Variants in SLC10A5 observed in about 807,000 individuals in gnomAD.
The protein encoded by SLC10A5 is solute carrier family 10 member 5, also known as sodium/bile acid cotransporter 5.
For missense variants in SLC10A5, 475 were observed against 500.7 expected (o/e 0.95, Z 0.49); for synonymous variants, 181 against 183.7 (o/e 0.99, Z 0.12).
In SLC10A5 at chr8:81,694,813, G is replaced by A. The variant is rs140801655; in HGVS notation, c.160C>T (p.Arg54Trp). ...ACAAAGAGGTGGCTGGAATTAGGCCGTTTATTTTCGTAGCTTGAACTTACA... is the reference window on the plus strand; with the variant it reads ...ACAAAGAGGTGGCTGGAATTAGGCCATTTATTTTCGTAGCTTGAACTTACA... ...ILVSSSYENK[R>W]PNSSHLFVKI... is the part of the protein sequence containing the mutation. Residue 54 changes from arginine (R) to tryptophan (W), a missense_variant, in exon 1 of 1, where the codon CGG becomes TGG. Transcript: ENST00000518568. 39 of 1,613,848 alleles carry A rather than the reference G, an allele frequency of 2.4e-5. 1 individual carries two copies. In the South Asian group the frequency reaches 2.4e-4, roughly 10 times the overall value.
rs754283238 is a variant in SLC10A5, at chr8:81,694,374, G to A, written c.599C>T (p.Ala200Val). The change falls in exon 1 of 1, where the codon GCA becomes GTA. Residue 200 changes from alanine to valine, a missense_variant. Transcript: ENST00000518568. The part of the protein sequence containing the change: ...FCGFLLSQIV[A>V]LPEAQAFGVV... ...TCCAAAAGCTTGCGCCTCAGGCAAT[G>A]CCACAATCTGAGACAAAAGAAACCC... 2 of 1,613,762 alleles carry A rather than the reference G, an allele frequency of 1.2e-6. No homozygotes were observed. The highest frequency in any genetic ancestry group is 1.1e-5 in the South Asian group (1 of 91,070).
rs201497883 is a variant in SLC10A5, at chr8:81,694,027, C to G, written c.946G>C (p.Val316Leu). The G allele has an allele frequency of 6.2e-7, 1 of 1,613,724 alleles. No individual in the cohort carries two copies. The highest frequency in any genetic ancestry group is 8.5e-7 in the Non-Finnish European group (1 of 1,179,990). The change falls in exon 1 of 1, where the codon GTA (valine) becomes CTA (leucine). Residue 316 changes from valine to leucine, a missense_variant. Coordinates refer to ENST00000518568, the MANE Select transcript of SLC10A5 (RefSeq NM_001010893.3). ...IRPLSFILMF[V>L]GIYLTFTVGL... ...ACTGTGAAAGTCAAATAAATTCCTACGAACATTAAAATAAAACTCAGAGGT... is the reference window on the plus strand; with the variant it reads ...ACTGTGAAAGTCAAATAAATTCCTAGGAACATTAAAATAAAACTCAGAGGT...
Position 81,694,441 on chromosome 8 carries a change from T to C in SLC10A5, c.532A>G (p.Ile178Val). The part of the protein sequence containing the change: ...QTVWKRPLPV[I>V]LGAVTQFFLM... ...AAAAACTGTGTAACTGCCCCAAGAA[T>C]TACTGGCAAAGGTCTCTTCCATACT... The change falls in exon 1 of 1, where the codon ATT becomes GTT. Residue 178 changes from isoleucine to valine, a missense_variant. Physicochemically the swap from Ile to Val is conservative, Grantham distance 29. Transcript: ENST00000518568. 1 of 1,614,078 alleles carries C rather than the reference T, an allele frequency of 6.2e-7. No individual in the cohort carries two copies. The highest frequency in any genetic ancestry group is 8.5e-7 in the Non-Finnish European group (1 of 1,180,032).
In SLC10A5 at chr8:81,694,399, C is replaced by T. The variant is rs780168423; in HGVS notation, c.574G>A (p.Gly192Arg). The T allele has an allele frequency of 1.6e-5, 26 of 1,613,932 alleles. 1 individual carries two copies. The highest frequency in any genetic ancestry group is 3.3e-4 in the Middle Eastern group (2 of 6,078). ...GCCACAATCTGAGACAAAAGAAACC[C>T]GCAAAATGGCATCAGAAAAAACTGT... is the stretch of plus-strand genomic sequence containing the variant. Reference protein sequence around the residue: ...VTQFFLMPFCGFLLSQIVALP... With the variant: ...VTQFFLMPFCRFLLSQIVALP... The change falls in exon 1 of 1, where the codon GGG becomes AGG. Residue 192 changes from glycine to arginine, a missense_variant. By Grantham distance (125) the Gly-to-Arg change is moderately radical (BLOSUM62 -2). Transcript: ENST00000518568.
In SLC10A5 at chr8:81,694,193, T is replaced by A. The variant is rs781594672; in HGVS notation, c.780A>T (p.Ile260=). 3.1e-6 allele frequency: 5 copies of A among 1,614,040 alleles called. No individual in the cohort carries two copies. Among genetic ancestry groups the A allele is most frequent in the Non-Finnish European group, 4.2e-6 (5 of 1,180,038 alleles). Residue 260 remains isoleucine (I), a synonymous_variant, in exon 1 of 1, where the codon ATA becomes ATT. Coordinates refer to ENST00000518568, the MANE Select transcript of SLC10A5 (RefSeq NM_001010893.3). The stretch of plus-strand genomic sequence containing the variant: ...TATGGAATGTACCTGACAACCCTAA[T>A]ATCCTACTGTATATATAAGAATTGA... The part of the protein sequence containing the change: ...MPVNSYIYSR[I]LGLSGTFHIP...
In SLC10A5 at chr8:81,693,751, C is replaced by T; in HGVS notation, c.1222G>A (p.Gly408Arg). ...AGAATGATCAGTAACATTTCACATCCAGAACACATGGCTACTGTAAAAGGA... is the reference window on the plus strand; with the variant it reads ...AGAATGATCAGTAACATTTCACATCTAGAACACATGGCTACTGTAAAAGGA... The part of the protein sequence containing the change: ...VAPFTVAMCS[G>R]CEMLLIILVY... Residue 408 changes from glycine (G) to arginine (R), a missense_variant, in exon 1 of 1, where the codon GGA (glycine) becomes AGA (arginine). Physicochemically the swap from Gly to Arg is moderately radical, Grantham distance 125. Coordinates refer to ENST00000518568, the MANE Select transcript of SLC10A5 (RefSeq NM_001010893.3). The T allele has an allele frequency of 2.5e-6, 4 of 1,614,038 alleles. No homozygotes were observed. The highest frequency in any genetic ancestry group is 2.2e-5 in the South Asian group (2 of 91,064).
rs766528702 is a variant in SLC10A5, at chr8:81,694,534, T to C, written c.439A>G (p.Ile147Val). 1 of 1,614,066 alleles carries C rather than the reference T, an allele frequency of 6.2e-7. No homozygotes were observed. The highest frequency in any genetic ancestry group is 1.3e-5 in the African/African-American group (1 of 74,936). ...TTATTCAATAGTATTAGTGGTAAAA[T>C]AAGCATTAGGATATTTCTATCAATA... ...MHIDRNILML[I>V]LPLILLNKCA... The change falls in exon 1 of 1, where the codon ATT becomes GTT. Residue 147 changes from isoleucine (I) to valine (V), a missense_variant. Transcript: ENST00000518568.
rs866220085 is a variant in SLC10A5, at chr8:81,694,835, T to TA, written c.137dup (p.Ser47LysfsTer7). 6.2e-7 allele frequency: 1 copy of TA among 1,614,026 alleles called. No individual in the cohort carries two copies. Among genetic ancestry groups the TA allele is most frequent in the Non-Finnish European group, 8.5e-7 (1 of 1,179,982 alleles). On this transcript the variant is annotated frameshift_variant, in exon 1 of 1. Coordinates refer to ENST00000518568, the MANE Select transcript of SLC10A5 (RefSeq NM_001010893.3). LOFTEE classifies it low-confidence loss of function (END_TRUNC). ...GCCGTTTATTTTCGTAGCTTGAACT[T>TA]ACAAGGATGGTTTCTTCAGTCTTTG...
chr8:81,694,831 A>G lies in SLC10A5; in HGVS notation c.142T>C (p.Ser48Pro), dbSNP rs753533963. Residue 48 changes from serine (S) to proline (P), a missense_variant, in exon 1 of 1, where the codon TCA (serine) becomes CCA (proline). Coordinates refer to ENST00000518568, the MANE Select transcript of SLC10A5 (RefSeq NM_001010893.3). ...TKTEETILVS[S>P]SYENKRPNSS... is the part of the protein sequence containing the mutation. ...TTAGGCCGTTTATTTTCGTAGCTTGAACTTACAAGGATGGTTTCTTCAGTC... is the reference window on the plus strand; with the variant it reads ...TTAGGCCGTTTATTTTCGTAGCTTGGACTTACAAGGATGGTTTCTTCAGTC... 1 of 1,614,036 alleles carries G rather than the reference A, an allele frequency of 6.2e-7. No homozygotes were observed. Among genetic ancestry groups the G allele is most frequent in the Admixed American group, 1.7e-5 (1 of 60,016 alleles).
At position 81,694,532 on chromosome 8, in the gene SLC10A5, A is replaced by G; in HGVS notation, c.441T>C (p.Ile147=). ...MHIDRNILML[I]LPLILLNKCA... ...ACTTATTCAATAGTATTAGTGGTAA[A>G]ATAAGCATTAGGATATTTCTATCAA... The change falls in exon 1 of 1, where the codon ATT becomes ATC. Residue 147 remains isoleucine, a synonymous_variant. Transcript: ENST00000518568. 6.2e-7 allele frequency: 1 copy of G among 1,614,240 alleles called. No individual in the cohort carries two copies. Among genetic ancestry groups the G allele is most frequent in the Non-Finnish European group, 8.5e-7 (1 of 1,180,044 alleles).
Position 81,693,702 on chromosome 8 carries a change from C to G in SLC10A5, c.1271G>C (p.Cys424Ser), listed in dbSNP as rs376116035. Residue 424 changes from cysteine (C) to serine (S), a missense_variant, in exon 1 of 1, where the codon TGT (cysteine) becomes TCT (serine). By Grantham distance (112) the Cys-to-Ser change is moderately radical. Transcript: ENST00000518568. ...CCTTTTATCTTGTAAGAAAAAGATACATCTTTTCTTAGCCTTGTAAACTAG... is the reference window on the plus strand; with the variant it reads ...CCTTTTATCTTGTAAGAAAAAGATAGATCTTTTCTTAGCCTTGTAAACTAG... ...IILVYKAKKR[C>S]IFFLQDKRKR... is the part of the protein sequence containing the mutation. 7 of 1,594,920 alleles carry G rather than the reference C, an allele frequency of 4.4e-6. No individual in the cohort carries two copies. In the African/African-American group the frequency reaches 9.5e-5, roughly 22 times the overall value.
Position 81,694,421 on chromosome 8 carries a change from CTG to C in SLC10A5, c.550_551del (p.Gln184ValfsTer19), listed in dbSNP as rs758209721. On this transcript the variant is annotated frameshift_variant, in exon 1 of 1. Transcript: ENST00000518568. LOFTEE classifies it low-confidence loss of function (END_TRUNC). ...PLPVILGAVTQFFLMPFCGFL... is the reference protein window; with the variant it reads ...PLPVILGAVTXFFLMPFCGFL... ...ACCCGCAAAATGGCATCAGAAAAAA[CTG>C]TGTAACTGCCCCAAGAATTACTGGC... is the stretch of plus-strand genomic sequence containing the variant. 2 of 1,613,984 alleles carry C rather than the reference CTG, an allele frequency of 1.2e-6. No individual in the cohort carries two copies. Among genetic ancestry groups the C allele is most frequent in the Non-Finnish European group, 1.7e-6 (2 of 1,180,022 alleles).
rs1306214004 is a variant in SLC10A5, at chr8:81,694,081, T to G, written c.892A>C (p.Lys298Gln). ...GIVIKHRIPE[K>Q]ASFLERIIRP... ...ATTATTCTCTCTAAGAAGCTTGCTT[T>G]TTCAGGTATTCTATGCTTGATGACT... The change falls in exon 1 of 1, where the codon AAA (lysine) becomes CAA (glutamine). Residue 298 changes from lysine to glutamine, a missense_variant. Transcript: ENST00000518568. 1 of 1,614,132 alleles carries G rather than the reference T, an allele frequency of 6.2e-7. No individual in the cohort carries two copies. The highest frequency in any genetic ancestry group is 1.6e-4 in the Middle Eastern group (1 of 6,062).
At position 81,694,419 on chromosome 8, in the gene SLC10A5, A is replaced by C; in HGVS notation, c.554T>G (p.Phe185Cys). The change falls in exon 1 of 1, where the codon TTT becomes TGT. Residue 185 changes from phenylalanine (F) to cysteine (C), a missense_variant. By Grantham distance (205) the Phe-to-Cys change is radical. Coordinates refer to ENST00000518568, the MANE Select transcript of SLC10A5 (RefSeq NM_001010893.3). ...AAACCCGCAAAATGGCATCAGAAAA[A>C]ACTGTGTAACTGCCCCAAGAATTAC... ...LPVILGAVTQ[F>C]FLMPFCGFLL... 2.5e-6 allele frequency: 4 copies of C among 1,614,152 alleles called. No homozygotes were observed. Among genetic ancestry groups the C allele is most frequent in the Non-Finnish European group, 3.4e-6 (4 of 1,180,038 alleles).
chr8:81,694,231 T>C lies in SLC10A5; in HGVS notation c.742A>G (p.Ile248Val), dbSNP rs771975719. 6.2e-7 allele frequency: 1 copy of C among 1,614,018 alleles called. No individual in the cohort carries two copies. Among genetic ancestry groups the C allele is most frequent in the African/African-American group, 1.3e-5 (1 of 74,894 alleles). ...MTCTSTLLAL[I>V]MMPVNSYIYS... ...ATATAAGAATTGACAGGCATCATGA[T>C]CAGAGCCAATAATGTTGATGTGCAA... The change falls in exon 1 of 1, where the codon ATC becomes GTC. Residue 248 changes from isoleucine (I) to valine (V), a missense_variant. Physicochemically the swap from Ile to Val is conservative, Grantham distance 29 (BLOSUM62 3). Coordinates refer to ENST00000518568, the MANE Select transcript of SLC10A5 (RefSeq NM_001010893.3).
rs1236201228 is a variant in SLC10A5, at chr8:81,694,618, T to G, written c.355A>C (p.Lys119Gln). The stretch of plus-strand genomic sequence containing the variant: ...TTGAGCACTTTGACTTTCACATTCT[T>G]GATTTCTTCAATGAGTCTTTCTTGC... ...GRQERLIEEI[K>Q]NVKVKVLKQK... The change falls in exon 1 of 1, where the codon AAG becomes CAG. Residue 119 changes from lysine (K) to glutamine (Q), a missense_variant. Coordinates refer to ENST00000518568, the MANE Select transcript of SLC10A5 (RefSeq NM_001010893.3). 1.2e-6 allele frequency: 2 copies of G among 1,613,974 alleles called. No individual in the cohort carries two copies. Among genetic ancestry groups the G allele is most frequent in the African/African-American group, 1.3e-5 (1 of 74,916 alleles).
In SLC10A5 at chr8:81,694,939, AC is replaced by A. The variant is rs1384580755; in HGVS notation, c.33del (p.Leu11PhefsTer4). On this transcript the variant is annotated frameshift_variant, in exon 1 of 1. Transcript: ENST00000518568. LOFTEE classifies it low-confidence loss of function (END_TRUNC). ...CTTGCTTCTTCTATAGTCACAAGCA[AC>A]AAAAGTAGAACAATAAAAAGTTTTC... MIRKLFIVLL[L>X]LLVTIEEARM... is the part of the protein sequence containing the mutation. 1.9e-6 allele frequency: 3 copies of A among 1,573,912 alleles called. No individual in the cohort carries two copies. Among genetic ancestry groups the A allele is most frequent in the African/African-American group, 1.4e-5 (1 of 72,552 alleles).
chr8:81,693,833 A>G lies in SLC10A5; in HGVS notation c.1140T>C (p.Ala380=), dbSNP rs1338300771. 1.2e-6 allele frequency: 2 copies of G among 1,613,936 alleles called. No individual in the cohort carries two copies. Among genetic ancestry groups the G allele is most frequent in the Non-Finnish European group, 1.7e-6 (2 of 1,180,014 alleles). Residue 380 remains alanine (A), a synonymous_variant, in exon 1 of 1, where the codon GCT becomes GCC. Coordinates refer to ENST00000518568, the MANE Select transcript of SLC10A5 (RefSeq NM_001010893.3). ...GAAAAGACAGCTGAATAACGGCAAG[A>G]GCTAAGAAACTATTTAACATCCCAC... is the stretch of plus-strand genomic sequence containing the variant. ...IESGMLNSFL[A]LAVIQLSFPQ...
chr8:81,694,321 C>T lies in SLC10A5; in HGVS notation c.652G>A (p.Gly218Arg), dbSNP rs1186968912. The T allele has an allele frequency of 1.9e-6, 3 of 1,614,048 alleles. No individual in the cohort carries two copies. In the African/African-American group the frequency reaches 4.0e-5, roughly 22 times the overall value. Residue 218 changes from glycine (G) to arginine (R), a missense_variant, in exon 1 of 1, where the codon GGG becomes AGG. By Grantham distance (125) the Gly-to-Arg change is moderately radical. Coordinates refer to ENST00000518568, the MANE Select transcript of SLC10A5 (RefSeq NM_001010893.3). ...GVVMTCTCPG[G>R]GGGYLFALLL... Reference sequence around the variant, plus strand: ...AGAGCAAAGAGATAGCCCCCACCCCCTCCTGGGCACGTGCAGGTCATTACA... The same window carrying T: ...AGAGCAAAGAGATAGCCCCCACCCCTTCCTGGGCACGTGCAGGTCATTACA...
Sources: allele counts gnomAD v4.1 joint callset, GRCh38; gene constraint gnomAD v4.1.1; transcripts MANE v1.5; gene names NCBI Gene and HGNC (gene_info 2026-07-23, HGNC 2026-07-21).